PSMA2: variants seen among roughly 807,000 people sequenced by gnomAD.
PSMA2 encodes the protein proteasome subunit alpha type-2.
Under a neutral mutation model 35.9 loss-of-function variants are expected in PSMA2, and 2 were observed. The observed-to-expected ratio is 0.06, with a 90% CI of 0.02 to 0.18. The LOEUF (loss-of-function observed/expected upper bound fraction) is 0.18, where lower values mean the gene tolerates loss of function less well. Among genes scored for constraint, PSMA2 ranks in the 10% least tolerant of loss-of-function variants. The probability of loss-of-function intolerance (pLI) is 1.00; values close to 1 mark genes in which losing one functional copy is unlikely to be tolerated. For missense variants in PSMA2, 126 were observed against 278.8 expected (o/e 0.45, Z 3.90); for synonymous variants, 97 against 98.2 (o/e 0.99, Z 0.07).
chr7:42,920,499 G>A (rs541588913), intron 6 of PSMA2: 1 of 152,418 alleles, frequency 6.6e-6, no homozygotes, highest in South Asian at 2.1e-4. Context: ...TGTAAAGAGG[G>A]AATACATGAT....
intron 6 of PSMA2, chr7:42,918,628 C>T (rs985298211): frequency 3.9e-5 from 6 of 152,220 alleles, no homozygotes; most frequent in African/African-American, 1.4e-4. Flanking sequence ...TCCTTTTTCT[C>T]TGCTCAGCCC....
At chr7:42,922,065 C>A in intron 5 of PSMA2, 134 bp from the exon 6 acceptor site, 2 of 672,974 alleles carry the variant, frequency 3.0e-6, no homozygotes, top group Non-Finnish European at 2.5e-6. Flanking sequence ...GAATGGAAAA[C>A]GTCACAGAAT....
intron 6 of PSMA2, chr7:42,918,248 T>C (rs1299761763): frequency 1.3e-5 from 2 of 153,774 alleles, no homozygotes; most frequent in African/African-American, 2.4e-5. Flanking sequence ...TCAGCCAGGA[T>C]GGTCTCGATC....
intron 1 of PSMA2, among the ~76,000 whole-genome samples, chr7:42,927,916 A>AAG (rs1459898152): frequency 2.6e-5 from 4 of 151,506 alleles, no homozygotes; most frequent in Admixed American, 2.6e-4. Context: ...CAAAAAAAAA[A>AAG]AGAGAAAGAC....
chr7:42,930,180 TAA>T (rs1786275577), intron 1 of PSMA2, among the ~76,000 whole-genome samples: 1 of 150,110 alleles, frequency 6.7e-6, no homozygotes, highest in African/African-American at 2.5e-5. Context: ...TCTTTTTATC[TAA>T]AACAGGTGAA....
At chr7:42,925,391 C>G (rs1015713243) in intron 3 of PSMA2, among the ~76,000 whole-genome samples, 2 of 152,158 alleles carry the variant, frequency 1.3e-5, no homozygotes, top group African/African-American at 4.8e-5. Flanking sequence ...GGGCAAGACC[C>G]TGGGTTACTT....
intron 1 of PSMA2, among the ~76,000 whole-genome samples, chr7:42,928,840 T>A (rs1026112074): frequency 6.6e-6 from 1 of 152,204 alleles, no homozygotes; most frequent in African/African-American, 2.4e-5. Flanking sequence ...CATTTCTCTA[T>A]TGCCCTGTGA....
chr7:42,923,242 TA>T, intron 5 of PSMA2, 82 bp downstream of exon 5: 1 of 1,059,352 alleles, frequency 9.4e-7, no homozygotes, highest in Non-Finnish European at 1.4e-6. Context: ...TGCTAAATTG[TA>T]AAGTTTTTAT....
At position 42,917,460 on chromosome 7, in the gene PSMA2, C is replaced by G. The variant is rs569507270; in HGVS notation, c.*114G>C. On this transcript the variant is annotated 3_prime_UTR_variant, in exon 8 of 8. Coordinates refer to ENST00000223321, the MANE Select transcript of PSMA2 (RefSeq NM_002787.5). ...TTATAAGTGTCATTTTAAAAACAGT[C>G]GATTTAAACCATGTAGAAATAAGTA... is the stretch of plus-strand genomic sequence containing the variant. 3 of 761,670 alleles carry G rather than the reference C, an allele frequency of 3.9e-6. No homozygotes were observed. The highest frequency in any genetic ancestry group is 6.4e-6 in the Non-Finnish European group (3 of 465,708). The allele number at this position is 761,670 out of a possible 1,614,324, so 47.2% of individuals were successfully genotyped here. A position where few individuals can be genotyped will look rare whatever the true frequency, so the allele number is the denominator to read the frequency against.
rs776993511 is a variant in PSMA2, at chr7:42,923,403, A to C, written c.378T>G (p.Gly126=). 1 of 1,611,450 alleles carries C rather than the reference A, an allele frequency of 6.2e-7. No individual in the cohort carries two copies. The highest frequency in any genetic ancestry group is 8.5e-7 in the Non-Finnish European group (1 of 1,177,902). ...SVMQEYTQSG[G]VRPFGVSLLI... ...GTAAAGAAACTCCAAATGGACGAAC[A>C]CCACTGCAGGGAGGAAAATGAAAAT... The change falls in exon 5 of 8, where the codon GGT becomes GGG. Residue 126 remains glycine (G), a synonymous_variant. Transcript: ENST00000223321.
At chr7:42,931,141 T>C (rs1462880835) in intron 1 of PSMA2, 1 of 453,836 alleles carries the variant, frequency 2.2e-6, no homozygotes, top group South Asian at 1.6e-5. Flanking sequence ...CTGCGGTTAG[T>C]TCATCTGTAA....
intron 3 of PSMA2, among the ~76,000 whole-genome samples, chr7:42,925,379 C>T (rs966766494): frequency 1.3e-5 from 2 of 152,212 alleles, no homozygotes; most frequent in African/African-American, 4.8e-5. Context: ...TCAGACCTGC[C>T]TGGGCAAGAC....
At chr7:42,919,185 A>T (rs570141127) in intron 6 of PSMA2, 1 of 591,104 alleles carries the variant, frequency 1.7e-6, no homozygotes, top group African/African-American at 1.8e-5. Context: ...TATGCCAGGG[A>T]GATACAGGAG....
chr7:42,923,252 A>C, intron 5 of PSMA2, 73 bp downstream of exon 5: 2 of 1,148,310 alleles, frequency 1.7e-6, no homozygotes, highest in Non-Finnish European at 2.6e-6. Flanking sequence ...TAAAGTTTTT[A>C]TGGCTTCTAT....
chr7:42,928,581 C>T (rs1786248433), intron 1 of PSMA2, among the ~76,000 whole-genome samples: 1 of 152,196 alleles, frequency 6.6e-6, no homozygotes. Flanking sequence ...ATGGAATCAT[C>T]ATAAACCAAC....
rs1451174338 is a variant in PSMA2 at position 42,927,583 on chromosome 7, C to T, written c.42-124G>A. The T allele has an allele frequency of 9.2e-6, 8 of 870,518 alleles. No individual in the cohort carries two copies. The Admixed American group carries it at 1.8e-4, about 19-fold the overall frequency. The allele number at this position is 870,518 out of a possible 1,614,324, so 53.9% of individuals were successfully genotyped here. ...TATCCAACTCCAGGGAGTAACTGGC[C>T]TTTGACCTCTATCATGAAGTGGCAC... On this transcript the variant is annotated intron_variant, in intron 1 of 7. Coordinates refer to ENST00000223321, the MANE Select transcript of PSMA2 (RefSeq NM_002787.5).
intron 1 of PSMA2, among the ~76,000 whole-genome samples, chr7:42,930,578 T>G (rs1426219227): frequency 6.6e-6 from 1 of 152,060 alleles, no homozygotes; most frequent in Non-Finnish European, 1.5e-5. Context: ...AAAGAAAATT[T>G]GTTATAAAAA....
At chr7:42,931,500 C>T (rs1451655311) in intron 1 of PSMA2, among the ~76,000 whole-genome samples, 1 of 145,376 alleles carries the variant, frequency 6.9e-6, no homozygotes, top group East Asian at 2.0e-4. Context: ...CCCCCCAGTC[C>T]ACCAAAAAAA....
rs1786047563 is a variant in PSMA2, at chr7:42,917,357, AT to A, written c.*216del. 2.3e-6 allele frequency: 1 copy of A among 431,660 alleles called. No homozygotes were observed. The highest frequency in any genetic ancestry group is 2.0e-5 in the African/African-American group (1 of 49,638). 26.7% of individuals were successfully genotyped at this position (431,660 alleles called of 1,614,324 possible). On this transcript the variant is annotated 3_prime_UTR_variant, in exon 8 of 8. Coordinates refer to ENST00000223321, the MANE Select transcript of PSMA2 (RefSeq NM_002787.5). ...ATGTAGTCTTCAGAAATCAACTGTG[AT>A]AAAAAGCAGGAAATAACTGTTAAAA...
Sources: gnomAD v4.1 joint callset for allele counts (sites outside exome capture counted in the v4.1 genomes callset) on GRCh38, gnomAD v4.1.1 for gene constraint, MANE v1.5 for transcripts, NCBI Gene and HGNC (gene_info 2026-07-23, HGNC 2026-07-21) for gene names.